NEB: variants seen among roughly 807,000 people sequenced by gnomAD.
The protein encoded by NEB is nebulin.
A neutral mutation model predicts 952.2 loss-of-function variants in NEB; 512 were observed. The observed-to-expected ratio is 0.54, with a 90% confidence interval of 0.50 to 0.58. The LOEUF is 0.58. Ranked by LOEUF, NEB falls within the 20% of genes least tolerant of loss-of-function variation. The pLI, the probability that NEB is intolerant of heterozygous loss-of-function variation, is 0.00. For missense variants in NEB, 8,428 were observed against 9,231.1 expected, an observed-to-expected ratio of 0.91 and a Z score of 3.56; for synonymous variants, 2,900 against 3,149.8, an observed-to-expected ratio of 0.92 and a Z score of 2.66.
In NEB at chr2:151,727,811, T is replaced by C. The variant is rs762014753; in HGVS notation, c.174A>G (p.Ala58=). 2 of 1,599,160 alleles carry C rather than the reference T, an allele frequency of 1.3e-6. No individual in the cohort carries two copies. The highest frequency in any genetic ancestry group is 1.7e-4 in the Middle Eastern group (1 of 5,924). The change falls in exon 5 of 182, where the codon GCA becomes GCG. Residue 58 remains alanine, a synonymous_variant. Coordinates refer to ENST00000397345, the MANE Select transcript of NEB (RefSeq NM_001164508.2). The stretch of plus-strand genomic sequence containing the variant: ...CCACCGGCTTTGCTGATGCTGGCTG[T>C]GCCAGTGCTGGCTGTGCCAGAGCTG... ...SKPALAQPAL[A]QPASAKPVER...
In NEB at chr2:151,526,208, C is replaced by T; in HGVS notation, c.22000G>A (p.Asp7334Asn). Reference protein sequence around the residue: ...KERGTCHAVPDTPQILLAKTV... With the variant: ...KERGTCHAVPNTPQILLAKTV... ...TTCGCCAGCAGGATCTGAGGCGTGT[C>T]AGGTACGGCATGGCAGGTTCCTCTT... Residue 7334 changes from aspartate (D) to asparagine (N), a missense_variant, in exon 149 of 182, where the codon GAC becomes AAC. Physicochemically the swap from Asp to Asn is conservative, Grantham distance 23. This residue lies in a region of NEB where 3,374 missense variants were observed against 3,651.5 expected (regional missense o/e 0.92). Transcript: ENST00000397345. 6.2e-7 allele frequency: 1 copy of T among 1,613,916 alleles called. No homozygotes were observed. Among genetic ancestry groups the T allele is most frequent in the African/African-American group, 1.3e-5 (1 of 75,048 alleles).
chr2:151,550,758 C>T (rs904604557), intron 129 of NEB, among the ~76,000 whole-genome samples: 1 of 152,038 alleles, frequency 6.6e-6, no homozygotes, highest in Admixed American at 6.6e-5. Context: ...TTCACCTCAA[C>T]CTCCCAAGTA....
Position 151,677,698 on chromosome 2 carries a change from T to A in NEB, c.3641A>T (p.Glu1214Val). ...GWIPIGSLDV[E>V]KVKKAGDALN... Reference sequence around the variant, plus strand: ...AGCATCACCGGCCTTTTTAACTTTTTCGACGTCGAGACTGCCAATAGGAAT... The same window carrying A: ...AGCATCACCGGCCTTTTTAACTTTTACGACGTCGAGACTGCCAATAGGAAT... The change falls in exon 34 of 182, where the codon GAA becomes GTA. Residue 1214 changes from glutamate (E) to valine (V), a missense_variant. Transcript: ENST00000397345. 1 of 1,614,016 alleles carries A rather than the reference T, an allele frequency of 6.2e-7. No individual in the cohort carries two copies. The highest frequency in any genetic ancestry group is 2.2e-5 in the East Asian group (1 of 44,890).
intron 24 of NEB, 24 bp from the exon 25 acceptor site, chr2:151,688,420 C>A: frequency 1.3e-6 from 2 of 1,570,672 alleles, no homozygotes; most frequent in Non-Finnish European, 8.8e-7. Context: ...GATATTTGAA[C>A]GGTTCAGGGG....
intron 64 of NEB, among the ~76,000 whole-genome samples, chr2:151,635,200 C>T (rs1396964084): frequency 6.6e-6 from 1 of 152,144 alleles, no homozygotes; most frequent in East Asian, 1.9e-4. Flanking sequence ...GTTCTCAATA[C>T]TTCTTGGTTA....
chr2:151,493,693 A>C (rs938303644), intron 175 of NEB, 82 bp downstream of exon 175: 2 of 1,162,162 alleles, frequency 1.7e-6, no homozygotes, highest in African/African-American at 1.6e-5. Flanking sequence ...GTTTTGGAAA[A>C]ACTGTAAGAT....
intron 107 of NEB, among the ~76,000 whole-genome samples, chr2:151,573,261 T>G (rs975268821): frequency 6.6e-6 from 1 of 152,240 alleles, no homozygotes; most frequent in Non-Finnish European, 1.5e-5. Flanking sequence ...CTTAATAAAG[T>G]TAATAATTTT....
In NEB at chr2:151,614,317, C is replaced by T; in HGVS notation, c.11560G>A (p.Asp3854Asn). ...HEWTCLPDQN[D>N]VIQARKAYDL... Reference sequence around the variant, plus strand: ...TAGGCCTTCCGAGCCTGAATGACGTCATTCTGATCAGGCAGGCAGGTCCAT... The same window carrying T: ...TAGGCCTTCCGAGCCTGAATGACGTTATTCTGATCAGGCAGGCAGGTCCAT... The change falls in exon 77 of 182, where the codon GAC (aspartate) becomes AAC (asparagine). Residue 3854 changes from aspartate to asparagine, a missense_variant. By Grantham distance (23) the Asp-to-Asn change is conservative (BLOSUM62 1). Around this residue, in one of 11 missense-constraint regions of NEB, gnomAD observed 1,772 missense variants for 1,960.3 expected, o/e 0.90. Transcript: ENST00000397345. 1.2e-6 allele frequency: 2 copies of T among 1,613,894 alleles called. No individual in the cohort carries two copies. Among genetic ancestry groups the T allele is most frequent in the South Asian group, 1.1e-5 (1 of 91,082 alleles).
At chr2:151,655,795 G>A in intron 50 of NEB, 22 bp downstream of exon 50, 3 of 1,610,522 alleles carry the variant, frequency 1.9e-6, no homozygotes, top group South Asian at 1.1e-5. Context: ...GGAGCTGTGT[G>A]GACGGCCACT....
Position 151,678,191 on chromosome 2 carries a change from T to C in NEB, c.3256-4A>G. 1 of 1,566,330 alleles carries C rather than the reference T, an allele frequency of 6.4e-7. No individual in the cohort carries two copies. The highest frequency in any genetic ancestry group is 8.7e-7 in the Non-Finnish European group (1 of 1,152,664). On this transcript the variant is annotated splice_polypyrimidine_tract_variant and splice_region_variant and intron_variant, in intron 32 of 181. Coordinates refer to ENST00000397345, the MANE Select transcript of NEB (RefSeq NM_001164508.2). ...CATAGTCTTTTTTGTACTGAACCTA[T>C]TGTAAACAAAGGTGGGCATAATTTA...
intron 13 of NEB, among the ~76,000 whole-genome samples, chr2:151,702,221 G>T (rs563567747): frequency 6.6e-6 from 1 of 151,444 alleles, no homozygotes; most frequent in Non-Finnish European, 1.5e-5. Context: ...TTGCACTGTG[G>T]TCTGAAAGAT....
At chr2:151,672,808 A>C in intron 36 of NEB, 128 bp from the exon 37 acceptor site, 1 of 766,610 alleles carries the variant, frequency 1.3e-6, no homozygotes, top group Non-Finnish European at 2.0e-6. Context: ...TGCAAACCAC[A>C]ACCCCCTCCA....
At position 151,697,208 on chromosome 2, in the gene NEB, G is replaced by A; in HGVS notation, c.1410C>T (p.Phe470=). 1 of 1,613,830 alleles carries A rather than the reference G, an allele frequency of 6.2e-7. No homozygotes were observed. ...ATTCTTGAGTTATGGTCTGAGGGAA[G>A]AAGCCTTTGCCTCTGTCTTCTTCGT... The part of the protein sequence containing the change: ...AEYEEDRGKG[F]FPQTITQEYE... The change falls in exon 16 of 182, where the codon TTC becomes TTT. Residue 470 remains phenylalanine, a synonymous_variant. Transcript: ENST00000397345.
chr2:151,673,055 T>A (rs1176404795), intron 36 of NEB, among the ~76,000 whole-genome samples: 2 of 152,236 alleles, frequency 1.3e-5, no homozygotes, highest in Non-Finnish European at 2.9e-5. Context: ...ATCACAAATA[T>A]GAGTACCAGC....
Position 151,655,836 on chromosome 2 carries a change from T to G in NEB, c.6683A>C (p.Asn2228Thr). ...DSMDMVLAKQ[N>T]AHTMNKHLYT... is the part of the protein sequence containing the mutation. ...CTGTACCTTGTTCATGGTATGTGCA[T>G]TCTGCTTGGCAAGCACCATGTCCAT... The change falls in exon 50 of 182, where the codon AAT becomes ACT. Residue 2228 changes from asparagine (N) to threonine (T), a missense_variant. By Grantham distance (65) the Asn-to-Thr change is moderately conservative (BLOSUM62 0). This residue lies in a region of NEB where 2,851 missense variants were observed against 2,791.5 expected (regional missense o/e 1.02). Transcript: ENST00000397345. 6.2e-7 allele frequency: 1 copy of G among 1,613,668 alleles called. No homozygotes were observed. Among genetic ancestry groups the G allele is most frequent in the Non-Finnish European group, 8.5e-7 (1 of 1,179,722 alleles).
chr2:151,656,857 A>T (rs1326661808), intron 48 of NEB, among the ~76,000 whole-genome samples: 1 of 151,358 alleles, frequency 6.6e-6, no homozygotes, highest in African/African-American at 2.4e-5. Context: ...GAAAAAAAAA[A>T]GGCAAAAAAA....
At chr2:151,531,955 C>T in intron 143 of NEB, 59 bp from the exon 144 acceptor site, 3 of 1,047,148 alleles carry the variant, frequency 2.9e-6, no homozygotes, top group Non-Finnish European at 2.9e-6. Flanking sequence ...TTTAAGGTAT[C>T]TAATTGTCCT....
chr2:151,613,275 AT>A (rs1204009607), intron 77 of NEB, among the ~76,000 whole-genome samples: 1 of 152,166 alleles, frequency 6.6e-6, no homozygotes, highest in African/African-American at 2.4e-5. Flanking sequence ...TTCTTAGAAA[AT>A]TTGTCTTCAT....
chr2:151,591,736 G>C (rs1478800872), intron 95 of NEB, among the ~76,000 whole-genome samples: 2 of 152,304 alleles, frequency 1.3e-5, no homozygotes, highest in Non-Finnish European at 2.9e-5. Flanking sequence ...CTTTTACAAG[G>C]AAAAAGCAAT....
Sources: allele counts gnomAD v4.1 joint callset (sites outside exome capture counted in the v4.1 genomes callset), GRCh38; gene constraint gnomAD v4.1.1; regional missense constraint gnomAD v4.1.1; transcripts MANE v1.5; gene names NCBI Gene and HGNC (gene_info 2026-07-23, HGNC 2026-07-21).